The following SEC22A variants were observed in gnomAD, a reference collection of about 807,000 sequenced individuals.
The protein encoded by SEC22A is SEC22 homolog A, vesicle trafficking protein, also known as vesicle-trafficking protein SEC22a.
In SEC22A, 22 loss-of-function variants were observed where a neutral mutation model predicts 35.3. The observed-to-expected ratio is 0.62, with a 90% CI of 0.45 to 0.89. The LOEUF is 0.89. Ranked by LOEUF, SEC22A falls within the 40% of genes least tolerant of loss-of-function variation. SEC22A has a pLI of 0.00. For synonymous variants in SEC22A, 119 were observed against 129.5 expected, an observed-to-expected ratio of 0.92 and a Z score of 0.55; for missense variants, 354 against 362.5, an observed-to-expected ratio of 0.98 and a Z score of 0.19.
At chr3:123,224,033 T>A (rs2108047949) in intron 3 of SEC22A, among the ~76,000 whole-genome samples, 1 of 152,312 alleles carries the variant, frequency 6.6e-6, no homozygotes, top group East Asian at 1.9e-4. Context: ...GTCTGCTTCA[T>A]GTAGAATAGG....
At chr3:123,228,918 G>A (rs1462968201) in intron 4 of SEC22A, among the ~76,000 whole-genome samples, 1 of 152,064 alleles carries the variant, frequency 6.6e-6, no homozygotes, top group South Asian at 2.1e-4. Context: ...AGAAGAGTTA[G>A]CAATTTGAAG....
chr3:123,256,177 A>G (rs557012445), intron 5 of SEC22A, among the ~76,000 whole-genome samples: 4 of 152,198 alleles, frequency 2.6e-5, no homozygotes, highest in Non-Finnish European at 4.4e-5. Context: ...GAGCTAATCA[A>G]GAATTGAGAT....
intron 6 of SEC22A, among the ~76,000 whole-genome samples, chr3:123,268,388 C>CA (rs1174803864): frequency 6.6e-6 from 1 of 152,162 alleles, no homozygotes; most frequent in African/African-American, 2.4e-5. Flanking sequence ...AAAGAAAACT[C>CA]AGAGAACCTA....
intron 1 of SEC22A, among the ~76,000 whole-genome samples, chr3:123,205,039 A>G (rs1399894568): frequency 6.8e-6 from 1 of 147,122 alleles, no homozygotes. Context: ...CAGTCCAGAT[A>G]AGATTAGTTT....
chr3:123,269,161 A>G (rs1938089967), intron 6 of SEC22A, among the ~76,000 whole-genome samples: 1 of 149,170 alleles, frequency 6.7e-6, no homozygotes, highest in South Asian at 2.1e-4. Flanking sequence ...AAGCCTTGGA[A>G]AACCTTGAAT....
intron 4 of SEC22A, among the ~76,000 whole-genome samples, chr3:123,234,888 T>G (rs1937388284): frequency 6.6e-6 from 1 of 151,868 alleles, no homozygotes; most frequent in African/African-American, 2.4e-5. Context: ...CCAGGCGTGG[T>G]GGCGCACGCC....
chr3:123,263,888 A>G (rs1031201523), intron 6 of SEC22A, among the ~76,000 whole-genome samples: 1 of 149,904 alleles, frequency 6.7e-6, no homozygotes, highest in African/African-American at 2.5e-5. Flanking sequence ...GTAGTATTCT[A>G]TGATATGTAT....
At chr3:123,226,781 T>G (rs1169487257) in intron 4 of SEC22A, among the ~76,000 whole-genome samples, 1 of 152,224 alleles carries the variant, frequency 6.6e-6, no homozygotes, top group Non-Finnish European at 1.5e-5. Flanking sequence ...ACTCAAGAGA[T>G]CTTTGCCCAG....
At chr3:123,231,843 G>A (rs1187170986) in intron 4 of SEC22A, among the ~76,000 whole-genome samples, 1 of 152,080 alleles carries the variant, frequency 6.6e-6, no homozygotes, top group Non-Finnish European at 1.5e-5. Flanking sequence ...TGAAATAGAG[G>A]ATAGGAAAAC....
At chr3:123,246,367 T>C (rs956872728) in intron 5 of SEC22A, among the ~76,000 whole-genome samples, 2 of 152,016 alleles carry the variant, frequency 1.3e-5, no homozygotes, top group Non-Finnish European at 2.9e-5. Flanking sequence ...ATAATCAGGA[T>C]TGGAGAAGGA....
chr3:123,215,701 T>G (rs1442929570), intron 2 of SEC22A, among the ~76,000 whole-genome samples: 6 of 152,176 alleles, frequency 3.9e-5, no homozygotes, highest in Non-Finnish European at 8.8e-5. Flanking sequence ...CACAATCTTT[T>G]GGATTCAGGC....
chr3:123,223,506 G>C, intron 2 of SEC22A, 53 bp from the exon 3 acceptor site: 3 of 1,415,600 alleles, frequency 2.1e-6, no homozygotes, highest in Non-Finnish European at 3.0e-6. Context: ...GTGAAGCAGT[G>C]AATTACCTTG....
At chr3:123,208,719 CA>C (rs112639427) in intron 1 of SEC22A, 104 of 135,202 alleles carry the variant, frequency 7.7e-4, no homozygotes, top group South Asian at 3.2e-3. Context: ...GATGCTGTCT[CA>C]AAAAAAAAAA....
intron 4 of SEC22A, among the ~76,000 whole-genome samples, chr3:123,241,002 T>TACACACAC (rs35775511): frequency 0.088 from 12,481 of 142,532 alleles, 575 homozygotes; most frequent in East Asian, 0.15. Flanking sequence ...CTCTCTTTCT[T>TACACACAC]ACACACACAC....
In SEC22A at chr3:123,227,912, G is replaced by A. The variant is rs145986995; in HGVS notation, c.541+2615G>A. ...TGCAATGAGCTGAGATCGTACCACT[G>A]CACTCCAGCCTGGGTGACAAAGCGA... On this transcript the variant is annotated intron_variant, in intron 4 of 6. Coordinates refer to ENST00000492595, the MANE Select transcript of SEC22A (RefSeq NM_012430.5). Among the ~76,000 whole-genome samples, 211 of 148,492 alleles carry A rather than the reference G, an allele frequency of 1.4e-3. 4 individuals are homozygous for A. The East Asian group carries it at 0.039, about 27-fold the overall frequency.
At chr3:123,230,133 TG>T (rs1274953821) in intron 4 of SEC22A, among the ~76,000 whole-genome samples, 1 of 152,154 alleles carries the variant, frequency 6.6e-6, no homozygotes, top group Non-Finnish European at 1.5e-5. Flanking sequence ...AGCAAGACTC[TG>T]ACTCGTAAAA....
At chr3:123,248,677 A>G (rs1235539014) in intron 5 of SEC22A, among the ~76,000 whole-genome samples, 1 of 152,248 alleles carries the variant, frequency 6.6e-6, no homozygotes, top group African/African-American at 2.4e-5. Context: ...CTATAGATTC[A>G]ATACAGTCCC....
intron 2 of SEC22A, among the ~76,000 whole-genome samples, chr3:123,211,971 C>T (rs569852722): frequency 1.3e-5 from 2 of 152,180 alleles, no homozygotes; most frequent in South Asian, 2.1e-4. Flanking sequence ...GTGGGAGGAT[C>T]GCTTGAGCCT....
chr3:123,212,549 ACT>A (rs1441358793), intron 2 of SEC22A, among the ~76,000 whole-genome samples: 17 of 151,704 alleles, frequency 1.1e-4, no homozygotes, highest in South Asian at 4.2e-4. Flanking sequence ...TTTTCTTTTG[ACT>A]CTCTTTTAAA....
Sources: gnomAD v4.1 joint callset for allele counts (sites outside exome capture counted in the v4.1 genomes callset) on GRCh38, gnomAD v4.1.1 for gene constraint, MANE v1.5 for transcripts, NCBI Gene and HGNC (gene_info 2026-07-23, HGNC 2026-07-21) for gene names.